POLR2B: variants seen among roughly 807,000 people sequenced by gnomAD.
POLR2B encodes the protein RNA polymerase II subunit B.
In POLR2B, 57 loss-of-function variants were observed where a neutral mutation model predicts 144.6. The observed-to-expected ratio is 0.39, with a 90% CI of 0.32 to 0.49. The LOEUF (loss-of-function observed/expected upper bound fraction) is 0.49, where lower values mean the gene tolerates loss of function less well. Ranked by LOEUF, POLR2B falls within the 20% of genes least tolerant of loss-of-function variation. The probability of loss-of-function intolerance (pLI) is 0.83; values close to 1 mark genes in which losing one functional copy is unlikely to be tolerated. For missense variants in POLR2B, 595 were observed against 1,467.4 expected, an observed-to-expected ratio of 0.41 and a Z score of 9.71; for synonymous variants, 442 against 469.8, an observed-to-expected ratio of 0.94 and a Z score of 0.77.
chr4:57,025,512 A>C lies in POLR2B; in HGVS notation c.3214A>C (p.Arg1072=). The change falls in exon 23 of 25, where the codon AGA becomes CGA. Residue 1072 remains arginine, a synonymous_variant. Coordinates refer to ENST00000314595, the MANE Select transcript of POLR2B (RefSeq NM_000938.3). ...RARGPIQILN[R]QPMEGRSRDG... is the part of the protein sequence containing the mutation. ...TAGGGGACCTATTCAGATCCTCAAT[A>C]GACAGCCCATGGAGGGTAGATCTCG... 6.2e-7 allele frequency: 1 copy of C among 1,607,262 alleles called. No homozygotes were observed. The highest frequency in any genetic ancestry group is 8.5e-7 in the Non-Finnish European group (1 of 1,173,698).
chr4:57,003,371 A>G (rs1283716408), intron 7 of POLR2B, among the ~76,000 whole-genome samples: 1 of 151,916 alleles, frequency 6.6e-6, no homozygotes, highest in Admixed American at 6.6e-5. Flanking sequence ...CGGAGGTTGC[A>G]GTGAGCCAAG....
intron 10 of POLR2B, among the ~76,000 whole-genome samples, chr4:57,008,359 C>T (rs370649947): frequency 6.6e-6 from 1 of 152,078 alleles, no homozygotes; most frequent in African/African-American, 2.4e-5. Context: ...CCCGCCACCA[C>T]GCCTGGCTAA....
rs1421697685 is a variant in POLR2B at position 57,023,872 on chromosome 4, G to A, written c.2856+121G>A. ...ACAGGTTGAACTTTTTGATTTTATT[G>A]TTGAATAAGTATATGAACATACCAT... is the stretch of plus-strand genomic sequence containing the variant. On this transcript the variant is annotated intron_variant, in intron 20 of 24. Coordinates refer to ENST00000314595, the MANE Select transcript of POLR2B (RefSeq NM_000938.3). This position sits in a 1 kb window ranked among gnomAD's most constrained non-coding sequence, Gnocchi z 4.3. The A allele has an allele frequency of 1.2e-6, 1 of 810,890 alleles. No individual in the cohort carries two copies. The highest frequency in any genetic ancestry group is 1.7e-5 in the African/African-American group (1 of 57,560). 50.2% of individuals were successfully genotyped at this position (810,890 alleles called of 1,614,324 possible). A position where few individuals can be genotyped will look rare whatever the true frequency, so the allele number is the denominator to read the frequency against.
chr4:56,980,308 C>A (rs1722116439), intron 1 of POLR2B, among the ~76,000 whole-genome samples: 1 of 152,030 alleles, frequency 6.6e-6, no homozygotes, highest in African/African-American at 2.4e-5. Flanking sequence ...TCATTATATT[C>A]CTTGTTCTTT....
Position 57,023,186 on chromosome 4 carries a change from A to T in POLR2B, c.2516-144A>T. ...TGTGGGCTGTAGTATTAGAGTTCAG[A>T]ATAGTTTGTAATATTTGGAATAAGG... On this transcript the variant is annotated intron_variant, in intron 18 of 24. Coordinates refer to ENST00000314595, the MANE Select transcript of POLR2B (RefSeq NM_000938.3). The surrounding 1 kb of genome is among the most constrained non-coding windows in gnomAD (Gnocchi z 4.3). 1.4e-6 allele frequency: 1 copy of T among 716,228 alleles called. No homozygotes were observed. The highest frequency in any genetic ancestry group is 2.3e-6 in the Non-Finnish European group (1 of 435,650). The allele number at this position is 716,228 out of a possible 1,614,324, so 44.4% of individuals were successfully genotyped here.
chr4:57,019,346 C>CT lies in POLR2B; in HGVS notation c.2324-1551dup, dbSNP rs1723466047. Among the ~76,000 whole-genome samples, 5 of 151,840 alleles carry CT rather than the reference C, an allele frequency of 3.3e-5. No individual in the cohort carries two copies. The South Asian group carries it at 1.0e-3, about 32-fold the overall frequency. ...GGGACTGCAGTTCTGTTATTCCTGA[C>CT]TTCATCATGGCATCTTTATTTTGAA... On this transcript the variant is annotated intron_variant, in intron 16 of 24. Coordinates refer to ENST00000314595, the MANE Select transcript of POLR2B (RefSeq NM_000938.3).
At chr4:56,988,492 T>C (rs1195925837) in intron 2 of POLR2B, among the ~76,000 whole-genome samples, 2 of 151,876 alleles carry the variant, frequency 1.3e-5, no homozygotes, top group African/African-American at 4.8e-5. Flanking sequence ...AGCCAGACCC[T>C]GTCTATCTCT....
chr4:56,989,256 C>A (rs1168998685), intron 2 of POLR2B, among the ~76,000 whole-genome samples: 1 of 152,170 alleles, frequency 6.6e-6, no homozygotes, highest in Non-Finnish European at 1.5e-5. Context: ...AGAAGCTATT[C>A]ATCTTAAATT....
At position 57,017,889 on chromosome 4, in the gene POLR2B, G is replaced by A. The variant is rs1004963990; in HGVS notation, c.2323+161G>A. On this transcript the variant is annotated intron_variant, in intron 16 of 24. Coordinates refer to ENST00000314595, the MANE Select transcript of POLR2B (RefSeq NM_000938.3). This position sits in a 1 kb window ranked among gnomAD's most constrained non-coding sequence, Gnocchi z 4.8. ...AACATAATAAAAAGGTAGGTATGTG[G>A]AAAGTGTTTTGGTGGAGGTACAAAG... 6.6e-6 allele frequency among the ~76,000 whole-genome samples: 1 copy of A among 152,222 alleles called. No individual in the cohort carries two copies. Among genetic ancestry groups the A allele is most frequent in the Non-Finnish European group, 1.5e-5 (1 of 68,048 alleles).
chr4:57,016,584 A>G (rs57469512), intron 14 of POLR2B, among the ~76,000 whole-genome samples: 14,345 of 151,398 alleles, frequency 0.095, 1,048 homozygotes, highest in East Asian at 0.21. Flanking sequence ...AATAACCTAT[A>G]TAATCTAAAT....
intron 9 of POLR2B, 72 bp downstream of exon 9, chr4:57,005,791 C>T: frequency 2.2e-6 from 3 of 1,378,762 alleles, no homozygotes; most frequent in Non-Finnish European, 3.0e-6. Context: ...TTGCATATGG[C>T]CAGGCTAAAC....
At chr4:56,996,278 A>ATTTTTTT (rs869299001) in intron 6 of POLR2B, among the ~76,000 whole-genome samples, 1 of 59,730 alleles carries the variant, frequency 1.7e-5, no homozygotes, top group African/African-American at 5.6e-5. Flanking sequence ...ATATATATAT[A>ATTTTTTT]TTTTTTTTTT....
intron 5 of POLR2B, among the ~76,000 whole-genome samples, 181 bp from the exon 6 acceptor site, chr4:56,995,070 C>T (rs968403983): frequency 6.6e-6 from 1 of 151,988 alleles, no homozygotes; most frequent in African/African-American, 2.4e-5. Flanking sequence ...GGAATTTGGT[C>T]AGTTTTGGAG....
chr4:57,005,150 A>G, intron 7 of POLR2B, 96 bp from the exon 8 acceptor site: 1 of 613,418 alleles, frequency 1.6e-6, no homozygotes. Flanking sequence ...TTATGTTCAT[A>G]GGGGTACTTG....
chr4:56,989,620 G>A (rs1287667626), intron 2 of POLR2B, among the ~76,000 whole-genome samples: 2 of 152,204 alleles, frequency 1.3e-5, no homozygotes, highest in African/African-American at 2.4e-5. Flanking sequence ...GTGAAGATGG[G>A]GGAGTCAGTA....
intron 1 of POLR2B, chr4:56,985,428 G>T (rs542195374): frequency 1.0e-6 from 1 of 984,786 alleles, no homozygotes; most frequent in African/African-American, 1.8e-5. Context: ...CCCCCCCGCC[G>T]CCCCGTGGGG....
chr4:57,010,492 C>G lies in POLR2B; in HGVS notation c.1536C>G (p.Ala512=), dbSNP rs554711488. Residue 512 remains alanine (A), a synonymous_variant, in exon 11 of 25, where the codon GCC becomes GCG. Transcript: ENST00000314595. The stretch of plus-strand genomic sequence containing the variant: ...CGTTGTGGGGAATGGTGTGTCCTGC[C>G]GAGACCCCAGAGGTAATACATTAGA... ...HNTLWGMVCP[A]ETPEGHAVGL... 1.2e-6 allele frequency: 2 copies of G among 1,613,368 alleles called. No individual in the cohort carries two copies. Among genetic ancestry groups the G allele is most frequent in the Admixed American group, 1.7e-5 (1 of 59,902 alleles).
intron 1 of POLR2B, among the ~76,000 whole-genome samples, chr4:56,984,157 G>A (rs566925205): frequency 4.3e-4 from 66 of 152,050 alleles, no homozygotes; most frequent in Middle Eastern, 3.4e-3. Context: ...GAGCCAGTGC[G>A]CCCAGCCTGA....
intron 7 of POLR2B, among the ~76,000 whole-genome samples, chr4:57,004,854 T>C (rs909340854): frequency 4.6e-5 from 7 of 152,132 alleles, no homozygotes; most frequent in African/African-American, 1.4e-4. Flanking sequence ...CAGCTGATTT[T>C]TGTATTTTTA....
Sources: gnomAD v4.1 joint callset for allele counts (sites outside exome capture counted in the v4.1 genomes callset) on GRCh38, gnomAD v4.1.1 for gene constraint, Gnocchi (gnomAD v3.1) non-coding constraint, MANE v1.5 for transcripts, NCBI Gene and HGNC (gene_info 2026-07-23, HGNC 2026-07-21) for gene names.